The following ARHGEF3 variants were observed in gnomAD, a reference collection of about 807,000 sequenced individuals.
ARHGEF3 encodes the protein 59.8 kDA protein.
Under a neutral mutation model 63.2 loss-of-function variants are expected in ARHGEF3, and 28 were observed. The observed-to-expected ratio is 0.44, with a 90% CI of 0.33 to 0.61. The LOEUF is 0.61. Ranked by LOEUF, ARHGEF3 falls within the 20% of genes least tolerant of loss-of-function variation. The pLI, the probability that ARHGEF3 is intolerant of heterozygous loss-of-function variation, is 0.03. For missense variants in ARHGEF3, 533 were observed against 659.3 expected, an observed-to-expected ratio of 0.81 and a Z score of 2.10; for synonymous variants, 266 against 254.2, an observed-to-expected ratio of 1.05 and a Z score of -0.44.
At chr3:56,991,016 G>A (rs774538385) in intron 2 of ARHGEF3, among the ~76,000 whole-genome samples, 8 of 152,130 alleles carry the variant, frequency 5.3e-5, no homozygotes, top group Non-Finnish European at 8.8e-5. Context: ...CCTAATCACC[G>A]AATTCTCCCT....
intron 1 of ARHGEF3, among the ~76,000 whole-genome samples, chr3:57,071,974 T>G (rs1177968760): frequency 6.6e-6 from 1 of 152,134 alleles, no homozygotes; most frequent in Non-Finnish European, 1.5e-5. Context: ...AAATATACAT[T>G]TCTCCAAAGA....
intron 2 of ARHGEF3, among the ~76,000 whole-genome samples, chr3:56,765,104 T>C (rs1015607256): frequency 6.6e-6 from 1 of 152,104 alleles, no homozygotes; most frequent in African/African-American, 2.4e-5. Flanking sequence ...AACAGTAATA[T>C]TCTACCACTC....
intron 4 of ARHGEF3, among the ~76,000 whole-genome samples, chr3:56,851,974 G>C (rs2039691032): frequency 6.6e-6 from 1 of 152,074 alleles, no homozygotes; most frequent in Admixed American, 6.5e-5. Context: ...ATCATGTCTG[G>C]GTAAGAAAAT....
At chr3:56,884,660 G>A (rs549526456) in intron 3 of ARHGEF3, among the ~76,000 whole-genome samples, 3 of 152,346 alleles carry the variant, frequency 2.0e-5, no homozygotes, top group South Asian at 4.1e-4. Flanking sequence ...TCCACTCAGC[G>A]TCCTTGAGGG....
chr3:57,064,793 A>G (rs998081372), intron 1 of ARHGEF3, among the ~76,000 whole-genome samples: 4 of 152,190 alleles, frequency 2.6e-5, no homozygotes, highest in African/African-American at 7.2e-5. Context: ...GCAGGGGGGA[A>G]TGGGAGTTGC....
intron 3 of ARHGEF3, among the ~76,000 whole-genome samples, chr3:56,921,032 G>A (rs57954419): frequency 0.012 from 1,674 of 137,408 alleles, 38 homozygotes; most frequent in African/African-American, 0.042. Flanking sequence ...TCCAGCCTGG[G>A]TGACAGAGCG....
intron 1 of ARHGEF3, among the ~76,000 whole-genome samples, chr3:56,794,488 C>CAAAAAAAAAAAAAAAAAA (rs10557985): frequency 9.4e-5 from 11 of 116,916 alleles, no homozygotes; most frequent in African/African-American, 3.5e-4. Context: ...GACTCTATCT[C>CAAAAAAAAAAAAAAAAAA]AAAAAAAAAA....
intron 3 of ARHGEF3, among the ~76,000 whole-genome samples, chr3:56,942,356 A>G (rs924832480): frequency 4.6e-5 from 7 of 152,190 alleles, no homozygotes. Flanking sequence ...AAACTTTTTC[A>G]TTATTACATA....
chr3:56,944,951 G>A (rs1019914554), intron 3 of ARHGEF3, among the ~76,000 whole-genome samples: 5 of 152,212 alleles, frequency 3.3e-5, no homozygotes, highest in African/African-American at 1.2e-4. Context: ...GATAACAAAG[G>A]ATTTAGGATA....
upstream of ARHGEF3, among the ~76,000 whole-genome samples, chr3:56,802,283 G>C (rs534594838): frequency 6.6e-6 from 1 of 152,344 alleles, no homozygotes; most frequent in African/African-American, 2.4e-5. Context: ...GGGCAACGGG[G>C]AGAAAGGAGG....
intron 3 of ARHGEF3, among the ~76,000 whole-genome samples, chr3:56,945,569 C>A (rs1276562452): frequency 6.6e-6 from 1 of 152,052 alleles, no homozygotes; most frequent in African/African-American, 2.4e-5. Flanking sequence ...AAGGCAGCAG[C>A]AAGGCTGGAG....
intron 4 of ARHGEF3, among the ~76,000 whole-genome samples, chr3:56,819,181 T>C (rs1404074773): frequency 6.6e-6 from 1 of 152,148 alleles, no homozygotes; most frequent in Non-Finnish European, 1.5e-5. Flanking sequence ...GGTTGACTCA[T>C]AATAGGCACT....
In ARHGEF3 at chr3:56,934,793, C is replaced by T. The variant is rs909287995; in HGVS notation, c.129+24030G>A. ...GCGGCCCCAGCCTCCCCGACGAGCG[C>T]CACCCCCTGCTCCACTGCACCCAGT... On this transcript the variant is annotated intron_variant, in intron 3 of 12. Transcript: ENST00000338458. Among the ~76,000 whole-genome samples the T allele has an allele frequency of 2.0e-5, 3 of 152,212 alleles. No homozygotes were observed. In the East Asian group the frequency reaches 5.8e-4, roughly 29 times the overall value.
At chr3:56,779,517 G>C (rs1242378955) in intron 1 of ARHGEF3, among the ~76,000 whole-genome samples, 1 of 151,980 alleles carries the variant, frequency 6.6e-6, no homozygotes, top group African/African-American at 2.4e-5. Context: ...TTTTGAGACG[G>C]AGTCTCGCTC....
At chr3:56,867,129 G>A (rs1311802020) in intron 4 of ARHGEF3, among the ~76,000 whole-genome samples, 1 of 152,176 alleles carries the variant, frequency 6.6e-6, no homozygotes, top group Non-Finnish European at 1.5e-5. Flanking sequence ...AGGCAAATAT[G>A]TATGTAGAGG....
chr3:56,893,675 G>A (rs919531013), intron 3 of ARHGEF3, among the ~76,000 whole-genome samples: 20 of 151,926 alleles, frequency 1.3e-4, no homozygotes, highest in African/African-American at 2.4e-5. Context: ...GCATGGTGGT[G>A]TGCCCCTGTA....
intron 7 of ARHGEF3, among the ~76,000 whole-genome samples, chr3:56,741,548 CA>C (rs1292713442): frequency 7.2e-6 from 1 of 138,958 alleles, no homozygotes. Flanking sequence ...CCCTGTCGCC[CA>C]GGCTGGAGAG....
intron 2 of ARHGEF3, among the ~76,000 whole-genome samples, chr3:57,027,432 C>T (rs74674107): frequency 0.014 from 2,065 of 152,304 alleles, 48 homozygotes; most frequent in African/African-American, 0.047. Context: ...TTGGAGCAGC[C>T]ACAGAAATTG....
intron 1 of ARHGEF3, 143 bp downstream of exon 1, chr3:56,801,560 T>C (rs1053453370): frequency 9.2e-7 from 1 of 1,092,384 alleles, no homozygotes. Context: ...GTGGGAGAGA[T>C]GTAGAGAGAG....
Sources: gnomAD v4.1 joint callset for allele counts (sites outside exome capture counted in the v4.1 genomes callset) on GRCh38, gnomAD v4.1.1 for gene constraint, MANE v1.5 for transcripts, NCBI Gene and HGNC (gene_info 2026-07-23, HGNC 2026-07-21) for gene names.